PRPF3: variants seen among roughly 807,000 people sequenced by gnomAD.
PRPF3 encodes pre-mRNA processing factor 3.
In PRPF3, 3 loss-of-function variants were observed where a neutral mutation model predicts 89.2. The ratio of observed to expected loss-of-function variants is 0.03; its 90% CI spans 0.02 to 0.09. The LOEUF is 0.09. Ranked by LOEUF, PRPF3 falls within the 10% of genes least tolerant of loss-of-function variation. PRPF3 has a pLI of 1.00. For missense variants in PRPF3, 463 were observed against 828.8 expected, an observed-to-expected ratio of 0.56 and a Z score of 5.42; for synonymous variants, 270 against 289.1, an observed-to-expected ratio of 0.93 and a Z score of 0.67.
Position 150,351,511 on chromosome 1 carries a change from T to G in PRPF3, c.1906-1322T>G, listed in dbSNP as rs587741286. On this transcript the variant is annotated intron_variant, in intron 15 of 15. Coordinates refer to ENST00000324862, the MANE Select transcript of PRPF3 (RefSeq NM_004698.4). ...TTGTTATCTTTTTTTAATCAACTTTTTTTTTTAGAGATAGGGTCTTGCTCT... is the reference window on the plus strand; with the variant it reads ...TTGTTATCTTTTTTTAATCAACTTTGTTTTTTAGAGATAGGGTCTTGCTCT... Among the ~76,000 whole-genome samples, 9 of 152,038 alleles carry G rather than the reference T, an allele frequency of 5.9e-5. No homozygotes were observed. The East Asian group carries it at 1.7e-3, about 29-fold the overall frequency.
At chr1:150,350,989 A>G (rs1174531314) in intron 15 of PRPF3, among the ~76,000 whole-genome samples, 1 of 150,664 alleles carries the variant, frequency 6.6e-6, no homozygotes, top group East Asian at 2.0e-4. Flanking sequence ...GTCTCAGGCC[A>G]GGTGCAGTGG....
intron 7 of PRPF3, among the ~76,000 whole-genome samples, chr1:150,337,240 C>A (rs990896643): frequency 3.3e-5 from 5 of 151,426 alleles, no homozygotes; most frequent in African/African-American, 4.8e-5. Flanking sequence ...GGGGTTTCAC[C>A]GTGTTAGCCA....
Position 150,337,529 on chromosome 1 carries a change from T to C in PRPF3, c.1036-631T>C, listed in dbSNP as rs587656410. On this transcript the variant is annotated intron_variant, in intron 7 of 15. Transcript: ENST00000324862. Reference sequence around the variant, plus strand: ...GTTCAACGGGGAAGTGTTTTAAAATTTGGGATTCTTGGCCGAGGTGGGCGA... The same window carrying C: ...GTTCAACGGGGAAGTGTTTTAAAATCTGGGATTCTTGGCCGAGGTGGGCGA... Among the ~76,000 whole-genome samples, 10 of 151,980 alleles carry C rather than the reference T, an allele frequency of 6.6e-5. No individual in the cohort carries two copies. The East Asian group carries it at 1.9e-3, about 29-fold the overall frequency.
rs901528798 is a variant in PRPF3, at chr1:150,332,877, A to G, written c.508-102A>G. ...TGACTACATGTTTCACTTCATAATC[A>G]TCTGCTACAGTCTACCATGATGTGT... On this transcript the variant is annotated intron_variant, in intron 5 of 15. Coordinates refer to ENST00000324862, the MANE Select transcript of PRPF3 (RefSeq NM_004698.4). 9 of 1,488,928 alleles carry G rather than the reference A, an allele frequency of 6.0e-6. No homozygotes were observed. In the Middle Eastern group the frequency reaches 8.5e-4, roughly 141 times the overall value. 92.2% of individuals were successfully genotyped at this position (1,488,928 alleles called of 1,614,324 possible).
In PRPF3 at chr1:150,352,836, A is replaced by G; in HGVS notation, c.1909A>G (p.Thr637Ala). 6.2e-7 allele frequency: 1 copy of G among 1,614,044 alleles called. No homozygotes were observed. Among genetic ancestry groups the G allele is most frequent in the Non-Finnish European group, 8.5e-7 (1 of 1,179,898 alleles). Reference protein sequence around the residue: ...TNKCVLVWEGTAKDRSFGEMK... With the variant: ...TNKCVLVWEGAAKDRSFGEMK... Reference sequence around the variant, plus strand: ...TTATTATATATCTCTTTTCTAGGGTACAGCCAAAGACCGGAGCTTTGGAGA... The same window carrying G: ...TTATTATATATCTCTTTTCTAGGGTGCAGCCAAAGACCGGAGCTTTGGAGA... The change falls in exon 16 of 16, where the codon ACA (threonine) becomes GCA (alanine). Residue 637 changes from threonine to alanine, a missense_variant. Thr to Ala is a moderately conservative substitution (Grantham distance 58). Transcript: ENST00000324862.
At chr1:150,334,297 C>T (rs983284156) in intron 6 of PRPF3, among the ~76,000 whole-genome samples, 6 of 151,884 alleles carry the variant, frequency 4.0e-5, no homozygotes, top group Admixed American at 3.9e-4. Context: ...CAGAGTGAGA[C>T]CATGTCTCAA....
chr1:150,329,822 C>G (rs782127314), intron 4 of PRPF3: 1 of 152,116 alleles, frequency 6.6e-6, no homozygotes, highest in African/African-American at 2.4e-5. Context: ...CGCAGTGGTG[C>G]GATCTCGGTT....
intron 4 of PRPF3, among the ~76,000 whole-genome samples, chr1:150,330,785 C>T (rs186162982): frequency 5.6e-4 from 84 of 149,242 alleles, no homozygotes; most frequent in Admixed American, 2.9e-3. Flanking sequence ...GGCGCTATCT[C>T]GGCTCACTGC....
At chr1:150,351,902 A>G (rs1009353913) in intron 15 of PRPF3, among the ~76,000 whole-genome samples, 2 of 151,954 alleles carry the variant, frequency 1.3e-5, no homozygotes, top group African/African-American at 4.8e-5. Context: ...TTCTTAGAGA[A>G]CCAGTATTAA....
In PRPF3 at chr1:150,353,026, G is replaced by C. The variant is rs200202328; in HGVS notation, c.*47G>C. The C allele has an allele frequency of 2.5e-6, 4 of 1,610,946 alleles. No individual in the cohort carries two copies. The highest frequency in any genetic ancestry group is 3.3e-5 in the Admixed American group (2 of 59,948). The stretch of plus-strand genomic sequence containing the variant: ...CTCCTCCCTTGCCTTTGTCTCTTCA[G>C]TCCTCTCACTTATTCTATTTCCCAA... On this transcript the variant is annotated 3_prime_UTR_variant, in exon 16 of 16. Transcript: ENST00000324862.
intron 8 of PRPF3, among the ~76,000 whole-genome samples, chr1:150,339,210 T>TAA (rs782456463): frequency 2.9e-5 from 4 of 136,324 alleles, no homozygotes; most frequent in Non-Finnish European, 6.4e-5. Flanking sequence ...CTACAAAGAT[T>TAA]AAAAAAAAAA....
intron 2 of PRPF3, 112 bp downstream of exon 2, chr1:150,325,199 A>T: frequency 7.7e-7 from 1 of 1,302,268 alleles, no homozygotes; most frequent in Non-Finnish European, 1.1e-6. Context: ...GGCAGGCCAT[A>T]TTTTATTTTC....
intron 7 of PRPF3, 71 bp from the exon 8 acceptor site, chr1:150,338,089 A>AG (rs1436924133): frequency 2.6e-6 from 4 of 1,544,576 alleles, no homozygotes; most frequent in Non-Finnish European, 3.5e-6. Context: ...AAAAAAAAAA[A>AG]TTGAGATTCT....
At chr1:150,325,324 A>G (rs2101944607) in intron 2 of PRPF3, among the ~76,000 whole-genome samples, 2 of 152,256 alleles carry the variant, frequency 1.3e-5, no homozygotes, top group South Asian at 4.1e-4. Flanking sequence ...ATACTGAGTC[A>G]CCTAAGTTAG....
At chr1:150,331,855 G>A (rs1656438616) in intron 4 of PRPF3, among the ~76,000 whole-genome samples, 1 of 152,054 alleles carries the variant, frequency 6.6e-6, no homozygotes, top group Non-Finnish European at 1.5e-5. Context: ...TAGAGACTAG[G>A]GAGCAGGTCT....
chr1:150,332,759 A>G lies in PRPF3; in HGVS notation c.499A>G (p.Thr167Ala), dbSNP rs782231541. 2.5e-5 allele frequency: 41 copies of G among 1,613,880 alleles called. No individual in the cohort carries two copies. The highest frequency in any genetic ancestry group is 3.0e-5 in the Non-Finnish European group (35 of 1,179,934). The change falls in exon 5 of 16, where the codon ACA becomes GCA. Residue 167 changes from threonine to alanine, a missense_variant. Around this residue, in one of 8 missense-constraint regions of PRPF3, gnomAD observed 38 missense variants for 48.3 expected, o/e 0.79. Transcript: ENST00000324862. ...KKQLSFISPP[T>A]PQPKTPSSSQ... The stretch of plus-strand genomic sequence containing the variant: ...ACAGCTGAGCTTCATTAGCCCCCCT[A>G]CACCTCAGGTATTGTGTCTAGATTA...
intron 8 of PRPF3, among the ~76,000 whole-genome samples, chr1:150,339,745 T>G (rs1657482837): frequency 6.7e-6 from 1 of 148,680 alleles, no homozygotes; most frequent in African/African-American, 2.5e-5. Context: ...GCGTTTTTTT[T>G]TTTTTTTTTT....
chr1:150,352,712 A>G, intron 15 of PRPF3, 121 bp from the exon 16 acceptor site: 1 of 1,098,748 alleles, frequency 9.1e-7, no homozygotes, highest in South Asian at 1.4e-5. Context: ...TTTTTTTTTA[A>G]CCATAAAATC....
At chr1:150,336,013 C>T (rs1369326656) in intron 7 of PRPF3, among the ~76,000 whole-genome samples, 1 of 152,136 alleles carries the variant, frequency 6.6e-6, no homozygotes, top group Non-Finnish European at 1.5e-5. Context: ...TGTGATCTGC[C>T]TGCCTTGACC....
Sources: allele counts gnomAD v4.1 joint callset (sites outside exome capture counted in the v4.1 genomes callset), GRCh38; gene constraint gnomAD v4.1.1; regional missense constraint gnomAD v4.1.1; transcripts MANE v1.5; gene names NCBI Gene and HGNC (gene_info 2026-07-23, HGNC 2026-07-21).